The following PDP1 variants were observed in gnomAD, a reference collection of about 807,000 sequenced individuals.
PDP1 encodes pyruvate dehydrogenase phosphatase catalytic subunit 1.
A neutral mutation model predicts 37.1 loss-of-function variants in PDP1; 14 were observed. That is an observed-to-expected ratio of 0.38 (90% CI 0.25 to 0.59). The LOEUF (loss-of-function observed/expected upper bound fraction) is 0.59, where lower values mean the gene tolerates loss of function less well. PDP1 is among the 20% of genes least tolerant of loss of function. The pLI is 0.67. For missense variants in PDP1, 544 were observed against 655.3 expected (o/e 0.83, Z 1.85); for synonymous variants, 251 against 243.3 (o/e 1.03, Z -0.29).
intron 1 of PDP1, chr8:93,918,075 G>A (rs1013709968): frequency 3.0e-6 from 3 of 987,420 alleles, no homozygotes; most frequent in South Asian, 1.6e-5. Context: ...GGACAAACGC[G>A]TCTTGGATTG....
intron 1 of PDP1, chr8:93,917,881 G>T (rs1321128193): frequency 2.5e-6 from 4 of 1,613,870 alleles, no homozygotes; most frequent in Non-Finnish European, 3.4e-6. Context: ...GCGGGTTGTG[G>T]ATGTTGTCGG....
Position 93,923,538 on chromosome 8 carries a change from G to T in PDP1, c.1479G>T (p.Gly493=). The change falls in exon 2 of 2, where the codon GGG becomes GGT. Residue 493 remains glycine, a synonymous_variant. Transcript: ENST00000297598. This position sits in a 1 kb window ranked among gnomAD's most constrained non-coding sequence, Gnocchi z 4.3. ...ACGCTGTGGGCAACAACGAGTTTGG[G>T]ACTGTTGATCATGAGCGCCTCTCTA... is the stretch of plus-strand genomic sequence containing the variant. ...IRHAVGNNEF[G]TVDHERLSKM... 2 of 1,611,174 alleles carry T rather than the reference G, an allele frequency of 1.2e-6. No homozygotes were observed. Among genetic ancestry groups the T allele is most frequent in the Non-Finnish European group, 1.7e-6 (2 of 1,177,374 alleles).
At position 93,922,776 on chromosome 8, in the gene PDP1, C is replaced by T. The variant is rs150112501; in HGVS notation, c.717C>T (p.Ala239=). The stretch of plus-strand genomic sequence containing the variant: ...ATGTTAAGGAGGCTCTAATTAATGC[C>T]TTCAAGAGGCTTGATAATGACATCT... ...DIDVKEALIN[A]FKRLDNDISL... is the part of the protein sequence containing the mutation. Residue 239 remains alanine, a synonymous_variant, in exon 2 of 2, where the codon GCC becomes GCT. Transcript: ENST00000297598. The surrounding 1 kb of genome is among the most constrained non-coding windows in gnomAD (Gnocchi z 4.0). The T allele has an allele frequency of 2.5e-6, 4 of 1,614,070 alleles. No individual in the cohort carries two copies. The African/African-American group carries it at 5.3e-5, about 22-fold the overall frequency.
rs745485872 is a variant in PDP1 at position 93,923,241 on chromosome 8, T to C, written c.1182T>C (p.Tyr394=). The C allele has an allele frequency of 6.2e-7, 1 of 1,614,190 alleles. No individual in the cohort carries two copies. Among genetic ancestry groups the C allele is most frequent in the East Asian group, 2.2e-5 (1 of 44,878 alleles). The part of the protein sequence containing the change: ...FIPPNYHTPP[Y]LTAEPEVTYH... The stretch of plus-strand genomic sequence containing the variant: ...CTCCTAATTATCACACACCTCCTTA[T>C]CTCACTGCTGAGCCAGAGGTAACTT... The change falls in exon 2 of 2, where the codon TAT becomes TAC. Residue 394 remains tyrosine, a synonymous_variant. Transcript: ENST00000297598. This position sits in a 1 kb window ranked among gnomAD's most constrained non-coding sequence, Gnocchi z 4.3.
chr8:93,923,712 A>T lies in PDP1; in HGVS notation c.*39A>T. ...CACTGGCAATTCTCAAATGATATAC[A>T]TTTAAAGGGCAGATTTTTTAAAAAG... On this transcript the variant is annotated 3_prime_UTR_variant, in exon 2 of 2. Coordinates refer to ENST00000297598, the MANE Select transcript of PDP1 (RefSeq NM_018444.4). This position sits in a 1 kb window ranked among gnomAD's most constrained non-coding sequence, Gnocchi z 4.3. 6.8e-7 allele frequency: 1 copy of T among 1,475,226 alleles called. No homozygotes were observed. Among genetic ancestry groups the T allele is most frequent in the Non-Finnish European group, 9.5e-7 (1 of 1,054,286 alleles). The allele number at this position is 1,475,226 out of a possible 1,614,324, so 91.4% of individuals were successfully genotyped here.
In PDP1 at chr8:93,923,838, C is replaced by T. The variant is rs1810363930; in HGVS notation, c.*165C>T. ...CCAAATTGACTTTGCAGCAGGGTGG[C>T]AGGGTCAGGAGAGTCTGGTCCTGCC... is the stretch of plus-strand genomic sequence containing the variant. On this transcript the variant is annotated 3_prime_UTR_variant, in exon 2 of 2. Transcript: ENST00000297598. This position sits in a 1 kb window ranked among gnomAD's most constrained non-coding sequence, Gnocchi z 4.3. 5 of 682,076 alleles carry T rather than the reference C, an allele frequency of 7.3e-6. No individual in the cohort carries two copies. Among genetic ancestry groups the T allele is most frequent in the Non-Finnish European group, 8.0e-6 (3 of 375,186 alleles). 42.3% of individuals were successfully genotyped at this position (682,076 alleles called of 1,614,324 possible). A position where few individuals can be genotyped will look rare whatever the true frequency, so the allele number is the denominator to read the frequency against.
chr8:93,923,510 G>T lies in PDP1; in HGVS notation c.1451G>T (p.Arg484Leu), dbSNP rs1262447510. ...CAGAACGCAGCAACCCATCTCATTC[G>T]CCACGCTGTGGGCAACAACGAGTTT... The part of the protein sequence containing the change: ...EDQNAATHLI[R>L]HAVGNNEFGT... Residue 484 changes from arginine (R) to leucine (L), a missense_variant, in exon 2 of 2, where the codon CGC becomes CTC. Physicochemically the swap from Arg to Leu is moderately radical, Grantham distance 102 (BLOSUM62 -2). Coordinates refer to ENST00000297598, the MANE Select transcript of PDP1 (RefSeq NM_018444.4). This position sits in a 1 kb window ranked among gnomAD's most constrained non-coding sequence, Gnocchi z 4.3. The T allele has an allele frequency of 6.2e-7, 1 of 1,606,506 alleles. No individual in the cohort carries two copies. The highest frequency in any genetic ancestry group is 8.5e-7 in the Non-Finnish European group (1 of 1,173,732).
Position 93,917,084 on chromosome 8 carries a change from G to A in PDP1, c.-45+5G>A, listed in dbSNP as rs754334796. 4.2e-6 allele frequency: 2 copies of A among 476,872 alleles called. No individual in the cohort carries two copies. The highest frequency in any genetic ancestry group is 8.0e-5 in the East Asian group (1 of 12,452). The allele number at this position is 476,872 out of a possible 1,614,324, so 29.5% of individuals were successfully genotyped here. On this transcript the variant is annotated splice_donor_5th_base_variant and intron_variant, in intron 1 of 1. Coordinates refer to ENST00000297598, the MANE Select transcript of PDP1 (RefSeq NM_018444.4). ...TTTGGTCTCCTGCCGTGCCCGGTTCGTATTCCCTACTCCCTGCCACGAGCC... is the reference window on the plus strand; with the variant it reads ...TTTGGTCTCCTGCCGTGCCCGGTTCATATTCCCTACTCCCTGCCACGAGCC...
intron 1 of PDP1, chr8:93,921,467 T>A: frequency 2.9e-6 from 1 of 345,724 alleles, no homozygotes; most frequent in Non-Finnish European, 4.1e-6. Context: ...GTATATGATG[T>A]ACACGTAATT....
At position 93,925,961 on chromosome 8, in the gene PDP1, A is replaced by C. The variant is rs2130402533; in HGVS notation, c.*2288A>C. On this transcript the variant is annotated 3_prime_UTR_variant, in exon 2 of 2. Coordinates refer to ENST00000297598, the MANE Select transcript of PDP1 (RefSeq NM_018444.4). ...TGGTACAGAGTACCATATTGCTAAGAAAACTGTCTTATAAAAGATGTATAT... is the reference window on the plus strand; with the variant it reads ...TGGTACAGAGTACCATATTGCTAAGCAAACTGTCTTATAAAAGATGTATAT... 1 of 167,054 alleles carries C rather than the reference A, an allele frequency of 6.0e-6. No homozygotes were observed. The highest frequency in any genetic ancestry group is 1.9e-4 in the East Asian group (1 of 5,186). The allele number at this position is 167,054 out of a possible 1,614,324, so 10.3% of individuals were successfully genotyped here.
Position 93,922,423 on chromosome 8 carries a change from C to T in PDP1, c.364C>T (p.Pro122Ser), listed in dbSNP as rs748213138. 1 of 1,614,092 alleles carries T rather than the reference C, an allele frequency of 6.2e-7. No homozygotes were observed. Among genetic ancestry groups the T allele is most frequent in the Non-Finnish European group, 8.5e-7 (1 of 1,179,926 alleles). Residue 122 changes from proline (P) to serine (S), a missense_variant, in exon 2 of 2, where the codon CCC becomes TCC. By Grantham distance (74) the Pro-to-Ser change is moderately conservative. Coordinates refer to ENST00000297598, the MANE Select transcript of PDP1 (RefSeq NM_018444.4). The surrounding 1 kb of genome is among the most constrained non-coding windows in gnomAD (Gnocchi z 4.0). The stretch of plus-strand genomic sequence containing the variant: ...CAGCAATCAGCTGCCTGCAAATGCA[C>T]CCATTGAGGACCGGAGAAGTGCAGC... ...FDSNQLPANA[P>S]IEDRRSAATC...
chr8:93,920,695 A>G (rs1232626191), intron 1 of PDP1: 2 of 921,202 alleles, frequency 2.2e-6, no homozygotes, highest in Non-Finnish European at 2.6e-6. Flanking sequence ...TTATTTGACT[A>G]TACTGCTTCC....
Position 93,922,747 on chromosome 8 carries a change from ATTGATG to A in PDP1, c.691_696del (p.Asp231_Val232del). On this transcript the variant is annotated inframe_deletion, in exon 2 of 2. Transcript: ENST00000297598. This position sits in a 1 kb window ranked among gnomAD's most constrained non-coding sequence, Gnocchi z 4.0. Reference sequence around the variant, plus strand: ...CCTCAACACTGGTGAGTCGACTGATATTGATGTTAAGGAGGCTCTAATTAATGCCTT... The same window carrying A: ...CCTCAACACTGGTGAGTCGACTGATATTAAGGAGGCTCTAATTAATGCCTT... 6.2e-7 allele frequency: 1 copy of A among 1,614,180 alleles called. No individual in the cohort carries two copies. The highest frequency in any genetic ancestry group is 8.5e-7 in the Non-Finnish European group (1 of 1,180,014).
intron 1 of PDP1, chr8:93,920,956 T>C: frequency 2.0e-6 from 2 of 984,200 alleles, no homozygotes; most frequent in Non-Finnish European, 2.4e-6. Flanking sequence ...AAAATACTTC[T>C]ATGGGTTTTC....
At chr8:93,917,296 G>A (rs867375079) in intron 1 of PDP1, 1 of 151,680 alleles carries the variant, frequency 6.6e-6, no homozygotes, top group Middle Eastern at 3.4e-3. Context: ...CGGGGGCGGG[G>A]GCGCCGTGCA....
intron 1 of PDP1, chr8:93,921,056 A>G: frequency 1.0e-6 from 1 of 981,132 alleles, no homozygotes; most frequent in Non-Finnish European, 1.2e-6. Flanking sequence ...CTTTAGAGCT[A>G]CTGCAATACT....
rs1225231679 is a variant in PDP1, at chr8:93,923,667, A to T, written c.1608A>T (p.Gln536His). ...NSHVVGAYQN[Q>H]E The stretch of plus-strand genomic sequence containing the variant: ...ATGTTGTAGGGGCGTATCAAAACCA[A>T]GAATAGTGAGTGGCTCTTTCACTGG... Residue 536 changes from glutamine to histidine, a missense_variant, in exon 2 of 2, where the codon CAA becomes CAT. Physicochemically the swap from Gln to His is conservative, Grantham distance 24. This residue lies in a region of PDP1 where 159 missense variants were observed against 165.5 expected (regional missense o/e 0.96). Transcript: ENST00000297598. The surrounding 1 kb of genome is among the most constrained non-coding windows in gnomAD (Gnocchi z 4.3). 1 of 1,611,838 alleles carries T rather than the reference A, an allele frequency of 6.2e-7. No homozygotes were observed. Among genetic ancestry groups the T allele is most frequent in the Non-Finnish European group, 8.5e-7 (1 of 1,178,092 alleles).
intron 1 of PDP1, chr8:93,919,869 C>G (rs1293450700): frequency 6.6e-6 from 1 of 152,178 alleles, no homozygotes; most frequent in Non-Finnish European, 1.5e-5. Context: ...AAGCCACTGT[C>G]ATGTGGCCCA....
chr8:93,919,502 C>CG (rs1050529519), intron 1 of PDP1, among the ~76,000 whole-genome samples: 4 of 136,878 alleles, frequency 2.9e-5, no homozygotes, highest in African/African-American at 5.3e-5. Flanking sequence ...TCCCTCCCCC[C>CG]CCCCGGCAAA....
Sources: gnomAD v4.1 joint callset for allele counts (sites outside exome capture counted in the v4.1 genomes callset) on GRCh38, gnomAD v4.1.1 for gene constraint, gnomAD v4.1.1 regional missense constraint, Gnocchi (gnomAD v3.1) non-coding constraint, MANE v1.5 for transcripts, NCBI Gene and HGNC (gene_info 2026-07-23, HGNC 2026-07-21) for gene names.